Variants in CCNY observed in about 807,000 individuals in gnomAD.
CCNY encodes the protein cyclin-Y.
A neutral mutation model predicts 42.8 loss-of-function variants in CCNY; 19 were observed. The observed-to-expected ratio is 0.44, with a 90% CI of 0.31 to 0.65. The LOEUF (loss-of-function observed/expected upper bound fraction) is 0.65, where lower values mean the gene tolerates loss of function less well. CCNY is among the 30% of genes least tolerant of loss of function. CCNY has a pLI of 0.07. For synonymous variants in CCNY, 165 were observed against 162.7 expected, an observed-to-expected ratio of 1.01 and a Z score of -0.11; for missense variants, 370 against 437.3, an observed-to-expected ratio of 0.85 and a Z score of 1.37.
chr10:35,449,669 T>G, intron 1 of CCNY: 1 of 725,540 alleles, frequency 1.4e-6, no homozygotes, highest in Non-Finnish European at 1.7e-6. Flanking sequence ...CATTGCCGAG[T>G]AGGGGGGCCG....
chr10:35,264,162 A>T (rs1200985398), intron 3 of CCNY, among the ~76,000 whole-genome samples: 2 of 152,218 alleles, frequency 1.3e-5, no homozygotes, highest in Non-Finnish European at 2.9e-5. Context: ...GTATCTTTAT[A>T]ATAGAATGAT....
At chr10:35,258,265 T>C (rs2095716981) in intron 3 of CCNY, among the ~76,000 whole-genome samples, 1 of 152,216 alleles carries the variant, frequency 6.6e-6, no homozygotes. Flanking sequence ...CAACTGCCTT[T>C]GTGACAAGAA....
chr10:35,466,810 T>C lies in CCNY; in HGVS notation c.155-16594T>C, dbSNP rs150947570. On this transcript the variant is annotated intron_variant, in intron 1 of 9. Coordinates refer to ENST00000374704, the MANE Select transcript of CCNY (RefSeq NM_145012.6). Reference sequence around the variant, plus strand: ...TAAATAGAGACAGGGTCTCGCTCTGTCACCCAGGCTGGAATGTGGTGGCAC... The same window carrying C: ...TAAATAGAGACAGGGTCTCGCTCTGCCACCCAGGCTGGAATGTGGTGGCAC... 1.1e-3 allele frequency among the ~76,000 whole-genome samples: 165 copies of C among 152,288 alleles called. 1 individual carries two copies. The highest frequency in any genetic ancestry group is 3.8e-3 in the African/African-American group (156 of 41,562).
chr10:35,568,870 A>G (rs958744667), intron 9 of CCNY, among the ~76,000 whole-genome samples, 184 bp from the exon 10 acceptor site: 2 of 152,230 alleles, frequency 1.3e-5, no homozygotes, highest in African/African-American at 4.8e-5. Context: ...TTGGGAAACA[A>G]GAGCTGAGTC....
rs368046140 is a variant in CCNY at position 35,354,028 on chromosome 10, A to G, written c.154+16821A>G. On this transcript the variant is annotated intron_variant, in intron 1 of 9. Coordinates refer to ENST00000374704, the MANE Select transcript of CCNY (RefSeq NM_145012.6). Reference sequence around the variant, plus strand: ...GCCTCCAGGCTCACTTACGTGGCCAATGCAGGCATCAGGTGCTCACTGGCT... The same window carrying G: ...GCCTCCAGGCTCACTTACGTGGCCAGTGCAGGCATCAGGTGCTCACTGGCT... 8.5e-5 allele frequency among the ~76,000 whole-genome samples: 13 copies of G among 152,276 alleles called. No homozygotes were observed. The East Asian group carries it at 1.5e-3, about 18-fold the overall frequency.
chr10:35,378,909 A>G (rs544372552), intron 1 of CCNY, among the ~76,000 whole-genome samples: 1 of 152,186 alleles, frequency 6.6e-6, no homozygotes, highest in Non-Finnish European at 1.5e-5. Context: ...TTGCAACTGC[A>G]CTAGGCTTGC....
intron 1 of CCNY, among the ~76,000 whole-genome samples, chr10:35,397,981 G>C (rs939262334): frequency 6.6e-6 from 1 of 152,206 alleles, no homozygotes; most frequent in East Asian, 1.9e-4. Flanking sequence ...GAGGGAAGGG[G>C]AGGCACAGTG....
chr10:35,365,367 A>G (rs913788078), intron 1 of CCNY, among the ~76,000 whole-genome samples: 29 of 152,318 alleles, frequency 1.9e-4, no homozygotes, highest in Admixed American at 6.5e-4. Context: ...TGCAGTATTA[A>G]TATCTTAAAG....
intron 3 of CCNY, among the ~76,000 whole-genome samples, chr10:35,297,813 AC>A (rs1835489391): frequency 6.6e-6 from 1 of 152,244 alleles, no homozygotes; most frequent in South Asian, 2.1e-4. Flanking sequence ...AAGAAGAATT[AC>A]AAAACACTGC....
At chr10:35,431,260 T>A (rs1358468117) in intron 1 of CCNY, among the ~76,000 whole-genome samples, 1 of 151,764 alleles carries the variant, frequency 6.6e-6, no homozygotes, top group East Asian at 1.9e-4. Flanking sequence ...CCACCCATGC[T>A]TGATCTTGGA....
At chr10:35,346,322 A>G (rs1380626236) in intron 1 of CCNY, among the ~76,000 whole-genome samples, 2 of 152,044 alleles carry the variant, frequency 1.3e-5, no homozygotes, top group Non-Finnish European at 2.9e-5. Context: ...AGCTGTTGCT[A>G]GGCTCTCTGT....
intron 3 of CCNY, among the ~76,000 whole-genome samples, chr10:35,286,819 C>T (rs1228587623): frequency 6.6e-6 from 1 of 151,884 alleles, no homozygotes; most frequent in Non-Finnish European, 1.5e-5. Context: ...ACCATCAAGC[C>T]TGGCTAATTT....
intron 1 of CCNY, among the ~76,000 whole-genome samples, chr10:35,399,061 A>G (rs1367635791): frequency 1.3e-5 from 2 of 152,240 alleles, no homozygotes; most frequent in African/African-American, 2.4e-5. Flanking sequence ...TTCCAAGCAA[A>G]TGTACAAATG....
At chr10:35,375,114 A>G (rs1428180077) in intron 1 of CCNY, among the ~76,000 whole-genome samples, 1 of 152,056 alleles carries the variant, frequency 6.6e-6, no homozygotes, top group Admixed American at 6.6e-5. Context: ...TTTTCTATTG[A>G]TGCCATAACA....
rs561766219 is a variant in CCNY, at chr10:35,570,135, A to G, written c.*965A>G. 3 of 152,828 alleles carry G rather than the reference A, an allele frequency of 2.0e-5. No individual in the cohort carries two copies. Among genetic ancestry groups the G allele is most frequent in the African/African-American group, 7.2e-5 (3 of 41,558 alleles). 9.5% of individuals were successfully genotyped at this position (152,828 alleles called of 1,614,324 possible). Reference sequence around the variant, plus strand: ...AATCCATTCCTCTCCTTCCAAGTCCATTGTTGCAAGCAATATTCTTCTCAA... The same window carrying G: ...AATCCATTCCTCTCCTTCCAAGTCCGTTGTTGCAAGCAATATTCTTCTCAA... On this transcript the variant is annotated 3_prime_UTR_variant, in exon 10 of 10. Transcript: ENST00000374704.
intron 1 of CCNY, among the ~76,000 whole-genome samples, chr10:35,472,216 C>T (rs771896085): frequency 2.0e-5 from 3 of 152,146 alleles, no homozygotes; most frequent in Non-Finnish European, 4.4e-5. Context: ...TGTTATTAGC[C>T]CACTTTGTAG....
In CCNY at chr10:35,558,547, G is replaced by A. The variant is rs114879579; in HGVS notation, c.746+5362G>A. Among the ~76,000 whole-genome samples the A allele has an allele frequency of 1.1e-3, 168 of 152,266 alleles. 1 individual carries two copies. Among genetic ancestry groups the A allele is most frequent in the African/African-American group, 3.8e-3 (156 of 41,556 alleles). On this transcript the variant is annotated intron_variant, in intron 8 of 9. Transcript: ENST00000374704. ...GTCTCCTCTAAAATAGATGTGTGAA[G>A]TCCTAACCCCCAGACCCTCAGAATG...
intron 3 of CCNY, among the ~76,000 whole-genome samples, chr10:35,265,669 A>T (rs1161153832): frequency 6.6e-6 from 1 of 152,256 alleles, no homozygotes; most frequent in Non-Finnish European, 1.5e-5. Flanking sequence ...GAGGATGCAC[A>T]CAGGCGTCCT....
chr10:35,477,817 G>C (rs1356547984), intron 1 of CCNY, among the ~76,000 whole-genome samples: 1 of 151,958 alleles, frequency 6.6e-6, no homozygotes, highest in Non-Finnish European at 1.5e-5. Context: ...GAAATAAAGG[G>C]TATTCAATTA....
Sources: allele counts gnomAD v4.1 joint callset (sites outside exome capture counted in the v4.1 genomes callset), GRCh38; gene constraint gnomAD v4.1.1; transcripts MANE v1.5; gene names NCBI Gene and HGNC (gene_info 2026-07-23, HGNC 2026-07-21).